The following SEMA6D variants were observed in gnomAD, a reference collection of about 807,000 sequenced individuals.
The protein encoded by SEMA6D is semaphorin-6D.
SEMA6D carries 35 observed loss-of-function variants against 106.6 expected under a neutral mutation model. That is an observed-to-expected ratio of 0.33 (90% CI 0.25 to 0.44). The LOEUF (loss-of-function observed/expected upper bound fraction) is 0.44, where lower values mean the gene tolerates loss of function less well. Among genes scored for constraint, SEMA6D ranks in the 20% least tolerant of loss-of-function variants. The probability of loss-of-function intolerance (pLI) is 1.00; values close to 1 mark genes in which losing one functional copy is unlikely to be tolerated. For synonymous variants in SEMA6D, 499 were observed against 487.7 expected, an observed-to-expected ratio of 1.02 and a Z score of -0.31; for missense variants, 1,185 against 1,345.9, an observed-to-expected ratio of 0.88 and a Z score of 1.87.
Position 47,700,217 on chromosome 15 carries a change from T to C in SEMA6D, c.-54-59528T>C, listed in dbSNP as rs550585530. ...TGTCAGTTCTTGCCAAATTGATCTA[T>C]AGTTTCAATGCAATCCCAATCAAAA... On this transcript the variant is annotated intron_variant, in intron 4 of 19. Coordinates refer to the SEMA6D transcript ENST00000558014. 7.2e-5 allele frequency among the ~76,000 whole-genome samples: 11 copies of C among 152,362 alleles called. No individual in the cohort carries two copies. The East Asian group carries it at 2.1e-3, about 29-fold the overall frequency.
Position 47,663,304 on chromosome 15 carries a change from C to T in SEMA6D, c.-55+62408C>T, listed in dbSNP as rs78447052. Among the ~76,000 whole-genome samples, 990 of 152,264 alleles carry T rather than the reference C, an allele frequency of 6.5e-3. 10 individuals carry two copies. Among genetic ancestry groups the T allele is most frequent in the African/African-American group, 0.023 (960 of 41,544 alleles). ...AAGTGTGTTCAGTAATGGAAAATTACTTTGTTCCAGCTAGTAAGATGCTTG... is the reference window on the plus strand; with the variant it reads ...AAGTGTGTTCAGTAATGGAAAATTATTTTGTTCCAGCTAGTAAGATGCTTG... On this transcript the variant is annotated intron_variant, in intron 4 of 19. Transcript: ENST00000558014.
At chr15:47,317,589 C>A (rs1449851005) in intron 1 of SEMA6D, among the ~76,000 whole-genome samples, 1 of 152,068 alleles carries the variant, frequency 6.6e-6, no homozygotes, top group Non-Finnish European at 1.5e-5. Flanking sequence ...GTTTTTATTT[C>A]TCTTACACTT....
intron 3 of SEMA6D, among the ~76,000 whole-genome samples, chr15:47,560,457 A>C (rs2046046415): frequency 6.6e-6 from 1 of 152,134 alleles, no homozygotes. Context: ...GCTCAAGAGC[A>C]GATTTGAGAT....
chr15:47,412,961 G>A lies in SEMA6D; in HGVS notation c.-159+489G>A, dbSNP rs116807377. 3.1e-3 allele frequency among the ~76,000 whole-genome samples: 465 copies of A among 152,242 alleles called. 2 individuals are homozygous for A. The highest frequency in any genetic ancestry group is 0.011 in the African/African-American group (448 of 41,560). On this transcript the variant is annotated intron_variant, in intron 2 of 19. Transcript: ENST00000558014. ...GTAAAAATGAAGACTCTCTGAGGCC[G>A]ATGACAGTGCACCTCCACACACTGG...
At chr15:47,343,897 A>C (rs2037934419) in intron 1 of SEMA6D, among the ~76,000 whole-genome samples, 1 of 152,182 alleles carries the variant, frequency 6.6e-6, no homozygotes, top group Non-Finnish European at 1.5e-5. Context: ...TACAAGAAAA[A>C]AACAACCCCA....
chr15:47,443,127 A>G (rs1225615870), intron 2 of SEMA6D, among the ~76,000 whole-genome samples: 1 of 152,142 alleles, frequency 6.6e-6, no homozygotes, highest in Non-Finnish European at 1.5e-5. Context: ...ATGGAATGTA[A>G]TGATAGATAT....
At position 47,470,432 on chromosome 15, in the gene SEMA6D, A is replaced by C. The variant is rs533698943; in HGVS notation, c.-158-42A>C. On this transcript the variant is annotated intron_variant, in intron 2 of 19. Coordinates refer to the SEMA6D transcript ENST00000558014. ...ACACATTTTCACAGCATTTGTAGCTATCCCAATATATTTTTGTTCTTTTTT... is the reference window on the plus strand; with the variant it reads ...ACACATTTTCACAGCATTTGTAGCTCTCCCAATATATTTTTGTTCTTTTTT... The C allele has an allele frequency of 5.4e-5, 8 of 147,514 alleles. No individual in the cohort carries two copies. In the East Asian group the frequency reaches 1.6e-3, roughly 29 times the overall value. The allele number at this position is 147,514 out of a possible 1,614,324, so 9.1% of individuals were successfully genotyped here. A position where few individuals can be genotyped will look rare whatever the true frequency, so the allele number is the denominator to read the frequency against.
intron 4 of SEMA6D, among the ~76,000 whole-genome samples, chr15:47,624,400 C>T (rs1051775255): frequency 2.0e-5 from 3 of 152,166 alleles, no homozygotes; most frequent in Non-Finnish European, 4.4e-5. Context: ...CTCTATCAAA[C>T]ACTTTCTGGT....
chr15:47,297,677 C>T (rs56237351), intron 1 of SEMA6D, among the ~76,000 whole-genome samples: 13,198 of 152,102 alleles, frequency 0.087, 1,230 homozygotes, highest in African/African-American at 0.23. Flanking sequence ...GAAATAAATA[C>T]ACAAAATGAG....
intron 1 of SEMA6D, among the ~76,000 whole-genome samples, chr15:47,303,245 A>G (rs996152453): frequency 1.3e-5 from 2 of 152,232 alleles, no homozygotes; most frequent in Non-Finnish European, 1.5e-5. Flanking sequence ...TATTGAAAGC[A>G]CATTTCTTGA....
intron 3 of SEMA6D, among the ~76,000 whole-genome samples, chr15:47,586,115 G>C (rs2076334859): frequency 6.6e-6 from 1 of 152,140 alleles, no homozygotes; most frequent in South Asian, 2.1e-4. Context: ...TAAATAATAA[G>C]AGACACTTAC....
chr15:47,586,647 T>A (rs547137053), intron 3 of SEMA6D, among the ~76,000 whole-genome samples: 90 of 152,278 alleles, frequency 5.9e-4, no homozygotes, highest in Non-Finnish European at 9.8e-4. Flanking sequence ...AACAGCATTT[T>A]ACAATGGAGT....
intron 4 of SEMA6D, among the ~76,000 whole-genome samples, chr15:47,683,671 C>G (rs2078407701): frequency 6.6e-6 from 1 of 151,860 alleles, no homozygotes; most frequent in African/African-American, 2.4e-5. Context: ...TGATATTTAC[C>G]CTGTTTTCAC....
chr15:47,684,152 G>A (rs889708252), intron 4 of SEMA6D, among the ~76,000 whole-genome samples: 4 of 152,054 alleles, frequency 2.6e-5, no homozygotes, highest in Non-Finnish European at 5.9e-5. Context: ...ATCAAACACT[G>A]CCTACACTAA....
Position 47,460,287 on chromosome 15 carries a change from C to T in SEMA6D, c.-158-10187C>T, listed in dbSNP as rs76834725. ...CTGCTTATCAGAAATTACTTTTTGT[C>T]TCAAGTCTTCTTTACCCTGAAAAGC... On this transcript the variant is annotated intron_variant, in intron 2 of 19. Coordinates refer to the SEMA6D transcript ENST00000558014. Among the ~76,000 whole-genome samples the T allele has an allele frequency of 8.9e-3, 1,358 of 152,128 alleles. 20 individuals are homozygous for T. Among genetic ancestry groups the T allele is most frequent in the African/African-American group, 0.031 (1,304 of 41,524 alleles).
rs545983843 is a variant in SEMA6D, at chr15:47,231,074, C to T, written c.-239+46656C>T. Reference sequence around the variant, plus strand: ...AGTATGTTGAAAAGAAAAGGCCTGGCCATTCGTCTCCTCCTCCCCTCTTCC... The same window carrying T: ...AGTATGTTGAAAAGAAAAGGCCTGGTCATTCGTCTCCTCCTCCCCTCTTCC... On this transcript the variant is annotated intron_variant, in intron 1 of 19. Transcript: ENST00000558014. Among the ~76,000 whole-genome samples, 11 of 152,062 alleles carry T rather than the reference C, an allele frequency of 7.2e-5. 1 individual carries two copies. In the South Asian group the frequency reaches 8.3e-4, roughly 12 times the overall value.
chr15:47,343,272 A>ATTATTATTATTAT (rs1016166275), intron 1 of SEMA6D, among the ~76,000 whole-genome samples: 2 of 150,440 alleles, frequency 1.3e-5, no homozygotes, highest in Non-Finnish European at 3.0e-5. Flanking sequence ...TATTATTATT[A>ATTATTATTATTAT]TACTTTAAGT....
chr15:47,653,142 A>G (rs896780411), intron 4 of SEMA6D, among the ~76,000 whole-genome samples: 1 of 152,198 alleles, frequency 6.6e-6, no homozygotes, highest in African/African-American at 2.4e-5. Flanking sequence ...CTGGCAAGGT[A>G]TAATTGAGAG....
At chr15:47,757,386 GGA>G (rs1567084881) in intron 1 of SEMA6D, among the ~76,000 whole-genome samples, 1 of 152,162 alleles carries the variant, frequency 6.6e-6, no homozygotes, top group African/African-American at 2.4e-5. Context: ...TGTCAAAGCA[GGA>G]TCTAGTTCTT....
Sources: gnomAD v4.1 joint callset for allele counts (sites outside exome capture counted in the v4.1 genomes callset) on GRCh38, gnomAD v4.1.1 for gene constraint, MANE v1.5 for transcripts, NCBI Gene and HGNC (gene_info 2026-07-23, HGNC 2026-07-21) for gene names.